The following MYL6 variants were observed in gnomAD, a reference collection of about 807,000 sequenced individuals.
MYL6 encodes the protein myosin light chain 6, also known as myosin light polypeptide 6.
Under a neutral mutation model 20.3 loss-of-function variants are expected in MYL6, and 20 were observed. That is an observed-to-expected ratio of 0.98 (90% confidence interval 0.69 to 1.43). MYL6 has a LOEUF of 1.43. Among genes scored for constraint, MYL6 ranks in the 40% most tolerant of loss-of-function variants. The probability of loss-of-function intolerance (pLI) is 0.00; values close to 1 mark genes in which losing one functional copy is unlikely to be tolerated. For missense variants in MYL6, 164 were observed against 191.0 expected, an observed-to-expected ratio of 0.86 and a Z score of 0.83; for synonymous variants, 77 against 72.4, an observed-to-expected ratio of 1.06 and a Z score of -0.32.
At position 56,159,985 on chromosome 12, in the gene MYL6, G is replaced by A. The variant is rs1297351252; in HGVS notation, c.186G>A (p.Val62=). Residue 62 remains valine, a synonymous_variant, in exon 4 of 7, where the codon GTG becomes GTA. Transcript: ENST00000550697. Reference sequence around the variant, plus strand: ...CCTCCTTTATGGCAGAGATGAATGTGAAGGTGCTGGACTTTGAGCACTTTC... The same window carrying A: ...CCTCCTTTATGGCAGAGATGAATGTAAAGGTGCTGGACTTTGAGCACTTTC... The part of the protein sequence containing the change: ...LGNPKSDEMN[V]KVLDFEHFLP... 2 of 1,612,320 alleles carry A rather than the reference G, an allele frequency of 1.2e-6. No homozygotes were observed. Among genetic ancestry groups the A allele is most frequent in the African/African-American group, 2.7e-5 (2 of 74,870 alleles).
chr12:56,158,877 C>T, intron 2 of MYL6, 166 bp downstream of exon 2: 2 of 1,459,138 alleles, frequency 1.4e-6, no homozygotes, highest in Non-Finnish European at 1.8e-6. Flanking sequence ...TTCTCACTTT[C>T]TTCCTCCCTC....
Position 56,159,726 on chromosome 12 carries a change from T to C in MYL6, c.171T>C (p.Ser57=). 6.2e-7 allele frequency: 1 copy of C among 1,612,574 alleles called. No individual in the cohort carries two copies. The highest frequency in any genetic ancestry group is 8.5e-7 in the Non-Finnish European group (1 of 1,179,366). ...EVLKVLGNPK[S]DEMNVKVLDF... ...TCAAGGTCCTGGGGAACCCCAAGAG[T>C]GATGGTGAGGGGCCTAAAGAACAAC... The change falls in exon 3 of 7, where the codon AGT becomes AGC. Residue 57 remains serine, a synonymous_variant. Coordinates refer to ENST00000550697, the MANE Select transcript of MYL6 (RefSeq NM_021019.5).
chr12:56,158,493 G>A (rs755179821), intron 1 of MYL6, 89 bp downstream of exon 1: 1 of 1,585,254 alleles, frequency 6.3e-7, no homozygotes, highest in Non-Finnish European at 8.6e-7. Flanking sequence ...AGGGGTAGGA[G>A]GCAAAGGGAA....
At chr12:56,160,882 G>C in intron 6 of MYL6, 1 of 609,252 alleles carries the variant, frequency 1.6e-6, no homozygotes, top group African/African-American at 1.9e-5. Flanking sequence ...TGGGCCCTGA[G>C]GTTTTACTTA....
chr12:56,158,441 G>T, intron 1 of MYL6, 37 bp downstream of exon 1: 1 of 1,548,534 alleles, frequency 6.5e-7, no homozygotes, highest in South Asian at 1.2e-5. Context: ...CAGGATTGGG[G>T]ACGAGAGGCA....
intron 4 of MYL6, 25 bp downstream of exon 4, chr12:56,160,173 G>C (rs1871647005): frequency 6.2e-7 from 1 of 1,613,804 alleles, no homozygotes; most frequent in Non-Finnish European, 8.5e-7. Flanking sequence ...CCTTGTCCTT[G>C]AGCTGAGATG....
In MYL6 at chr12:56,159,647, A is replaced by G; in HGVS notation, c.92A>G (p.Gln31Arg). The G allele has an allele frequency of 6.2e-7, 1 of 1,614,164 alleles. No individual in the cohort carries two copies. Among genetic ancestry groups the G allele is most frequent in the Non-Finnish European group, 8.5e-7 (1 of 1,180,002 alleles). ...GGTGATGGCAAGATCCTGTACAGCC[A>G]GTGTGGGGATGTGATGAGGGCCCTG... ...RTGDGKILYS[Q>R]CGDVMRALGQ... Residue 31 changes from glutamine (Q) to arginine (R), a missense_variant, in exon 3 of 7, where the codon CAG (glutamine) becomes CGG (arginine). By Grantham distance (43) the Gln-to-Arg change is conservative. Transcript: ENST00000550697.
intron 5 of MYL6, 64 bp downstream of exon 5, chr12:56,160,384 T>A (rs571524668): frequency 2.1e-5 from 34 of 1,597,320 alleles, no homozygotes; most frequent in Non-Finnish European, 2.9e-5. Context: ...GTATAGTGTC[T>A]GGGGCTTTCC....
At position 56,160,125 on chromosome 12, in the gene MYL6, T is replaced by C. The variant is rs1299581806; in HGVS notation, c.326T>C (p.Ile109Thr). 6.2e-7 allele frequency: 1 copy of C among 1,614,116 alleles called. No homozygotes were observed. The highest frequency in any genetic ancestry group is 1.7e-5 in the Admixed American group (1 of 60,004). The change falls in exon 4 of 7, where the codon ATC (isoleucine) becomes ACC (threonine). Residue 109 changes from isoleucine to threonine, a missense_variant. Coordinates refer to ENST00000550697, the MANE Select transcript of MYL6 (RefSeq NM_021019.5). ...EGNGTVMGAE[I>T]RHVLVTLGEK... Reference sequence around the variant, plus strand: ...AATGGCACCGTCATGGGTGCTGAAATCCGGCATGTTCTTGTCACACTGGGT... The same window carrying C: ...AATGGCACCGTCATGGGTGCTGAAACCCGGCATGTTCTTGTCACACTGGGT...
At chr12:56,160,344 CAG>C in intron 5 of MYL6, 24 bp downstream of exon 5, 1 of 1,613,764 alleles carries the variant, frequency 6.2e-7, no homozygotes, top group Non-Finnish European at 8.5e-7. Flanking sequence ...TGCGCTTTCT[CAG>C]AGAAAGCAGC....
At position 56,159,607 on chromosome 12, in the gene MYL6, C is replaced by T. The variant is rs1871586816; in HGVS notation, c.52C>T (p.Leu18=). 6 of 1,613,656 alleles carry T rather than the reference C, an allele frequency of 3.7e-6. No homozygotes were observed. Among genetic ancestry groups the T allele is most frequent in the South Asian group, 2.2e-5 (2 of 91,074 alleles). Residue 18 remains leucine (L), a synonymous_variant, in exon 3 of 7, where the codon CTG becomes TTG. Coordinates refer to ENST00000550697, the MANE Select transcript of MYL6 (RefSeq NM_021019.5). ...CTCAGAGTTCAAGGAGGCCTTCCAG[C>T]TGTTTGACCGAACAGGTGATGGCAA... ...QTAEFKEAFQ[L]FDRTGDGKIL...
Position 56,160,057 on chromosome 12 carries a change from T to C in MYL6, c.258T>C (p.Tyr86=), listed in dbSNP as rs1592261161. The change falls in exon 4 of 7, where the codon TAT becomes TAC. Residue 86 remains tyrosine (Y), a synonymous_variant. Coordinates refer to ENST00000550697, the MANE Select transcript of MYL6 (RefSeq NM_021019.5). ...CCAAGAACAAGGACCAGGGCACCTA[T>C]GAGGATTATGTCGAAGGACTTCGGG... ...TVAKNKDQGT[Y]EDYVEGLRVF... 6.2e-7 allele frequency: 1 copy of C among 1,614,140 alleles called. No individual in the cohort carries two copies. The highest frequency in any genetic ancestry group is 8.5e-7 in the Non-Finnish European group (1 of 1,180,020).
rs1871665400 is a variant in MYL6, at chr12:56,160,325, G to A, written c.427+5G>A. The A allele has an allele frequency of 6.2e-7, 1 of 1,614,016 alleles. No homozygotes were observed. Among genetic ancestry groups the A allele is most frequent in the Non-Finnish European group, 8.5e-7 (1 of 1,180,014 alleles). ...ATGGTTGTATCAACTATGAAGGTAA[G>A]AGGTGAACTGCGCTTTCTCAGAGAA... On this transcript the variant is annotated splice_donor_5th_base_variant and intron_variant, in intron 5 of 6. Transcript: ENST00000550697.
chr12:56,158,989 G>C (rs1037210141), intron 2 of MYL6: 25 of 1,338,364 alleles, frequency 1.9e-5, no homozygotes, highest in Non-Finnish European at 2.3e-5. Flanking sequence ...GTGGGGTCTC[G>C]GGAGGGTGTA....
chr12:56,160,041 A>T lies in MYL6; in HGVS notation c.242A>T (p.Lys81Met). The change falls in exon 4 of 7, where the codon AAG becomes ATG. Residue 81 changes from lysine to methionine, a missense_variant. Transcript: ENST00000550697. ...ATGCTGCAGACAGTGGCCAAGAACA[A>T]GGACCAGGGCACCTATGAGGATTAT... ...LPMLQTVAKN[K>M]DQGTYEDYVE... 1 of 1,614,194 alleles carries T rather than the reference A, an allele frequency of 6.2e-7. No homozygotes were observed. The highest frequency in any genetic ancestry group is 8.5e-7 in the Non-Finnish European group (1 of 1,180,034).
Position 56,158,585 on chromosome 12 carries a change from T to TTTGTGGGTCAGAGA in MYL6, c.4-86_4-85insATTGTGGGTCAGAG, listed in dbSNP as rs1188266142. Reference sequence around the variant, plus strand: ...GCGAGTCTGCAGCCTGAAACAGGAGTTTGTGGGTCAGAGTTTGTGGGTCAG... The same window carrying TTTGTGGGTCAGAGA: ...GCGAGTCTGCAGCCTGAAACAGGAGTTTGTGGGTCAGAGATTGTGGGTCAGAGTTTGTGGGTCAG... On this transcript the variant is annotated intron_variant, in intron 1 of 6. Coordinates refer to ENST00000550697, the MANE Select transcript of MYL6 (RefSeq NM_021019.5). 3.1e-6 allele frequency: 5 copies of TTTGTGGGTCAGAGA among 1,593,298 alleles called. No homozygotes were observed. The African/African-American group carries it at 7.2e-5, about 23-fold the overall frequency.
intron 6 of MYL6, chr12:56,161,058 G>C (rs984968861): frequency 3.5e-6 from 2 of 568,390 alleles, no homozygotes; most frequent in Non-Finnish European, 6.4e-6. Flanking sequence ...TTCCCTCGCT[G>C]GGCAGCTTGG....
Position 56,161,403 on chromosome 12 carries a change from G to T in MYL6, c.*33G>T. The T allele has an allele frequency of 6.2e-7, 1 of 1,614,174 alleles. No homozygotes were observed. The highest frequency in any genetic ancestry group is 8.5e-7 in the Non-Finnish European group (1 of 1,180,010). On this transcript the variant is annotated 3_prime_UTR_variant, in exon 7 of 7. Transcript: ENST00000550697. Reference sequence around the variant, plus strand: ...TTTCCACAGAGCTCGTCCGCATGGTGCTGAATGGCTGAGGACCTTCCCAGT... The same window carrying T: ...TTTCCACAGAGCTCGTCCGCATGGTTCTGAATGGCTGAGGACCTTCCCAGT...
At chr12:56,161,213 G>C (rs1335640717) in intron 6 of MYL6, 174 bp from the exon 7 acceptor site, 3 of 705,452 alleles carry the variant, frequency 4.3e-6, no homozygotes, top group Admixed American at 2.1e-5. Context: ...AGGGGAGCTA[G>C]GGGCATGGAG....
Sources: allele counts gnomAD v4.1 joint callset, GRCh38; gene constraint gnomAD v4.1.1; transcripts MANE v1.5; gene names NCBI Gene and HGNC (gene_info 2026-07-23, HGNC 2026-07-21).